The following ASXL3 variants were observed in gnomAD, a reference collection of about 807,000 sequenced individuals.
ASXL3 encodes ASXL transcriptional regulator 3.
Under a neutral mutation model 170.6 loss-of-function variants are expected in ASXL3, and 34 were observed. The ratio of observed to expected loss-of-function variants is 0.20; its 90% CI spans 0.15 to 0.27. The LOEUF (loss-of-function observed/expected upper bound fraction) is 0.27. Among genes scored for constraint, ASXL3 ranks in the 10% least tolerant of loss-of-function variants. The pLI is 1.00. For synonymous variants in ASXL3, 1,002 were observed against 989.1 expected (o/e 1.01, Z -0.24); for missense variants, 2,592 against 2,695.3 (o/e 0.96, Z 0.85).
chr18:33,656,189 AGTTAAATTT>A (rs1294523195), intron 4 of ASXL3, among the ~76,000 whole-genome samples: 6 of 152,116 alleles, frequency 3.9e-5, no homozygotes, highest in African/African-American at 9.7e-5. Flanking sequence ...GTATCCTTTG[AGTTAAATTT>A]TTTATTCATA....
chr18:33,665,178 A>G (rs1359379569), intron 5 of ASXL3, among the ~76,000 whole-genome samples: 1 of 152,192 alleles, frequency 6.6e-6, no homozygotes, highest in East Asian at 1.9e-4. Context: ...GTTGTGTTAC[A>G]GCAAGTGACA....
chr18:33,693,486 T>C, intron 8 of ASXL3, among the ~76,000 whole-genome samples: 1 of 152,086 alleles, frequency 6.6e-6, no homozygotes, highest in East Asian at 1.9e-4. Flanking sequence ...TAAGTAAATT[T>C]GAAAAATGCA....
intron 1 of ASXL3, among the ~76,000 whole-genome samples, chr18:33,599,174 G>A (rs1331510936): frequency 6.6e-6 from 1 of 151,998 alleles, no homozygotes; most frequent in African/African-American, 2.4e-5. Flanking sequence ...TCCCTGGAAG[G>A]CATTATGGAT....
Position 33,744,046 on chromosome 18 carries a change from TCTGTAG to T in ASXL3, c.4200_4205del (p.Ala1402_Val1403del). 1 of 1,614,014 alleles carries T rather than the reference TCTGTAG, an allele frequency of 6.2e-7. No individual in the cohort carries two copies. Among genetic ancestry groups the T allele is most frequent in the Non-Finnish European group, 8.5e-7 (1 of 1,179,884 alleles). ...GAGAGCAGCCCTCAGCTGCAGTGAT[TCTGTAG>T]CGGTCACAGACTCTCTGGTTGCACA... On this transcript the variant is annotated inframe_deletion, in exon 12 of 12. Transcript: ENST00000269197.
At chr18:33,709,382 A>G (rs954767410) in intron 8 of ASXL3, among the ~76,000 whole-genome samples, 2 of 152,136 alleles carry the variant, frequency 1.3e-5, no homozygotes, top group African/African-American at 4.8e-5. Flanking sequence ...GAAACTACCA[A>G]AATACCTATC....
chr18:33,608,544 G>A (rs1163915872), intron 2 of ASXL3, among the ~76,000 whole-genome samples: 1 of 151,932 alleles, frequency 6.6e-6, no homozygotes, highest in East Asian at 1.9e-4. Flanking sequence ...TTAGATAGCA[G>A]GTTAGGGCCA....
At chr18:33,648,885 G>A (rs1373676801) in intron 4 of ASXL3, among the ~76,000 whole-genome samples, 1 of 152,070 alleles carries the variant, frequency 6.6e-6, no homozygotes, top group East Asian at 1.9e-4. Flanking sequence ...GTGAATTCAT[G>A]ATGAAGATTA....
chr18:33,635,702 A>C (rs375215269), intron 2 of ASXL3, among the ~76,000 whole-genome samples: 6 of 152,278 alleles, frequency 3.9e-5, no homozygotes, highest in East Asian at 3.9e-4. Flanking sequence ...TGAAAGGGAG[A>C]GTCCCTAAAA....
At chr18:33,729,242 G>A (rs1335011395) in intron 8 of ASXL3, among the ~76,000 whole-genome samples, 3 of 152,180 alleles carry the variant, frequency 2.0e-5, no homozygotes, top group Admixed American at 1.3e-4. Context: ...GAGAAAATGT[G>A]TAGAATGAGC....
intron 8 of ASXL3, among the ~76,000 whole-genome samples, chr18:33,698,056 G>A (rs190139199): frequency 5.5e-4 from 83 of 152,204 alleles, no homozygotes; most frequent in African/African-American, 1.7e-3. Flanking sequence ...ATGAATGTAG[G>A]TATCCCTCCT....
chr18:33,631,284 C>G (rs1189732449), intron 2 of ASXL3, among the ~76,000 whole-genome samples: 2 of 152,000 alleles, frequency 1.3e-5, no homozygotes, highest in Non-Finnish European at 2.9e-5. Context: ...AAGGAATAAA[C>G]AAATATGTGG....
At chr18:33,661,271 C>T (rs537712879) in intron 4 of ASXL3, among the ~76,000 whole-genome samples, 1 of 152,042 alleles carries the variant, frequency 6.6e-6, no homozygotes, top group South Asian at 2.1e-4. Flanking sequence ...GAATACTATG[C>T]ATTGCCTAAT....
chr18:33,643,028 C>G (rs575631602), intron 2 of ASXL3, among the ~76,000 whole-genome samples: 18 of 151,792 alleles, frequency 1.2e-4, no homozygotes, highest in Non-Finnish European at 2.5e-4. Flanking sequence ...TTTTAAAATT[C>G]TACATTGTGT....
chr18:33,745,432 A>G lies in ASXL3; in HGVS notation c.5584A>G (p.Ser1862Gly), dbSNP rs1337965258. 1.9e-6 allele frequency: 3 copies of G among 1,614,020 alleles called. No homozygotes were observed. Among genetic ancestry groups the G allele is most frequent in the African/African-American group, 2.7e-5 (2 of 75,050 alleles). Reference protein sequence around the residue: ...PDVKGVPCVISSGISQLGHSQ... With the variant: ...PDVKGVPCVIGSGISQLGHSQ... ...TGTTAAAGGGGTGCCTTGTGTCATCAGTTCCGGCATCAGTCAGCTAGGACA... is the reference window on the plus strand; with the variant it reads ...TGTTAAAGGGGTGCCTTGTGTCATCGGTTCCGGCATCAGTCAGCTAGGACA... Residue 1862 changes from serine to glycine, a missense_variant, in exon 12 of 12, where the codon AGT becomes GGT. This residue lies in a region of ASXL3 where 2,246 missense variants were observed against 2,219.6 expected (regional missense o/e 1.01). Coordinates refer to ENST00000269197, the MANE Select transcript of ASXL3 (RefSeq NM_030632.3).
chr18:33,601,186 A>G (rs1437655849), intron 1 of ASXL3, among the ~76,000 whole-genome samples: 1 of 152,046 alleles, frequency 6.6e-6, no homozygotes, highest in Non-Finnish European at 1.5e-5. Context: ...CTCAGACCAC[A>G]TTTAATTCCT....
chr18:33,713,115 C>G (rs1308075778), intron 8 of ASXL3, among the ~76,000 whole-genome samples: 1 of 151,826 alleles, frequency 6.6e-6, no homozygotes, highest in Non-Finnish European at 1.5e-5. Context: ...TGGGAAAGAT[C>G]ATCTCTAGTG....
chr18:33,629,779 A>G (rs989084799), intron 2 of ASXL3, among the ~76,000 whole-genome samples: 9 of 152,018 alleles, frequency 5.9e-5, no homozygotes, highest in Admixed American at 5.2e-4. Flanking sequence ...TTTTTTCCTA[A>G]GGAAGATATT....
At chr18:33,635,628 C>T (rs540039899) in intron 2 of ASXL3, among the ~76,000 whole-genome samples, 6 of 152,298 alleles carry the variant, frequency 3.9e-5, no homozygotes, top group Admixed American at 2.0e-4. Context: ...TTTAATCTGG[C>T]CAGCCTTACT....
rs1441341037 is a variant in ASXL3, at chr18:33,747,096, G to A, written c.*501G>A. ...TTAGAAAGGGGAATCTGATTTAAATGTGTGATTCCTTGTATTTGCTCCTAT... is the reference window on the plus strand; with the variant it reads ...TTAGAAAGGGGAATCTGATTTAAATATGTGATTCCTTGTATTTGCTCCTAT... On this transcript the variant is annotated 3_prime_UTR_variant, in exon 12 of 12. Transcript: ENST00000269197. The A allele has an allele frequency of 6.6e-6, 1 of 152,640 alleles. No homozygotes were observed. Among genetic ancestry groups the A allele is most frequent in the Non-Finnish European group, 1.5e-5 (1 of 68,364 alleles). The allele number at this position is 152,640 out of a possible 1,614,324, so 9.5% of individuals were successfully genotyped here. A position where few individuals can be genotyped will look rare whatever the true frequency, so the allele number is the denominator to read the frequency against.
Sources: gnomAD v4.1 joint callset for allele counts (sites outside exome capture counted in the v4.1 genomes callset) on GRCh38, gnomAD v4.1.1 for gene constraint, gnomAD v4.1.1 regional missense constraint, MANE v1.5 for transcripts, NCBI Gene and HGNC (gene_info 2026-07-23, HGNC 2026-07-21) for gene names.